The following GTF3C1 variants were observed in gnomAD, a reference collection of about 807,000 sequenced individuals.
GTF3C1 encodes the protein general transcription factor 3C polypeptide 1.
A neutral mutation model predicts 226.7 loss-of-function variants in GTF3C1; 57 were observed. That is an observed-to-expected ratio of 0.25 (90% CI 0.20 to 0.31). GTF3C1 has a LOEUF of 0.31. GTF3C1 is among the 10% of genes least tolerant of loss of function. The pLI is 1.00. For synonymous variants in GTF3C1, 1,090 were observed against 1,084.8 expected (o/e 1.00, Z -0.09); for missense variants, 2,217 against 2,776.1 (o/e 0.80, Z 4.53).
At chr16:27,505,447 G>C (rs1319381699) in intron 10 of GTF3C1, among the ~76,000 whole-genome samples, 1 of 152,142 alleles carries the variant, frequency 6.6e-6, no homozygotes, top group African/African-American at 2.4e-5. Flanking sequence ...CTCCCTATTG[G>C]ATGCCAGTAG....
Position 27,469,540 on chromosome 16 carries a change from C to G in GTF3C1, c.4825G>C (p.Asp1609His). 1 of 1,610,582 alleles carries G rather than the reference C, an allele frequency of 6.2e-7. No individual in the cohort carries two copies. The highest frequency in any genetic ancestry group is 8.5e-7 in the Non-Finnish European group (1 of 1,177,082). The change falls in exon 32 of 37, where the codon GAC (aspartate) becomes CAC (histidine). Residue 1609 changes from aspartate (D) to histidine (H), a missense_variant. By Grantham distance (81) the Asp-to-His change is moderately conservative. Around this residue, in one of 12 missense-constraint regions of GTF3C1, gnomAD observed 546 missense variants for 663.0 expected, o/e 0.82. Coordinates refer to ENST00000356183, the MANE Select transcript of GTF3C1 (RefSeq NM_001520.4). The surrounding 1 kb of genome is among the most constrained non-coding windows in gnomAD (Gnocchi z 4.5). Reference sequence around the variant, plus strand: ...TCCTCGTCATCCTCCAGGCTGCCGTCCTTCCCCAAGCTAGAAGGGAATTGT... The same window carrying G: ...TCCTCGTCATCCTCCAGGCTGCCGTGCTTCCCCAAGCTAGAAGGGAATTGT... ...ENEVIKSLGK[D>H]GSLEDDEDEE...
chr16:27,529,593 C>T (rs2088884918), intron 5 of GTF3C1, among the ~76,000 whole-genome samples: 1 of 152,210 alleles, frequency 6.6e-6, no homozygotes, highest in Non-Finnish European at 1.5e-5. Flanking sequence ...TGACCAACAG[C>T]AGCCTCCAGT....
chr16:27,512,377 C>T (rs575060848), intron 6 of GTF3C1, among the ~76,000 whole-genome samples: 29 of 152,230 alleles, frequency 1.9e-4, no homozygotes, highest in African/African-American at 6.7e-4. Flanking sequence ...GCAGTGTAAA[C>T]GAGCTGTATA....
chr16:27,489,813 C>A, intron 19 of GTF3C1, 70 bp from the exon 20 acceptor site: 3 of 1,512,748 alleles, frequency 2.0e-6, no homozygotes, highest in Non-Finnish European at 2.7e-6. Context: ...CTACCTCTGG[C>A]TGGGTGGGGA....
At chr16:27,537,730 A>T in intron 4 of GTF3C1, 54 bp downstream of exon 4, 1 of 1,348,830 alleles carries the variant, frequency 7.4e-7, no homozygotes, top group Non-Finnish European at 1.0e-6. Flanking sequence ...TTTAAAGCAT[A>T]CTACACATGG....
At chr16:27,518,908 C>G in intron 6 of GTF3C1, among the ~76,000 whole-genome samples, 1 of 152,222 alleles carries the variant, frequency 6.6e-6, no homozygotes, top group East Asian at 1.9e-4. Context: ...TGAATGCATT[C>G]AAGGGCCCTA....
intron 5 of GTF3C1, among the ~76,000 whole-genome samples, chr16:27,530,449 C>T (rs541224544): frequency 3.9e-5 from 6 of 152,276 alleles, no homozygotes; most frequent in South Asian, 2.1e-4. Context: ...CCATCAACGA[C>T]GTGCACAATC....
Position 27,472,015 on chromosome 16 carries a change from T to C in GTF3C1, c.4354-95A>G, listed in dbSNP as rs142248104. On this transcript the variant is annotated intron_variant, in intron 29 of 36. Coordinates refer to ENST00000356183, the MANE Select transcript of GTF3C1 (RefSeq NM_001520.4). ...GGCAGAGGCTGCGGCTGATGCTTTA[T>C]AGAGGAAGTGACCGATCGTGGGAGG... 227 of 1,100,672 alleles carry C rather than the reference T, an allele frequency of 2.1e-4. No individual in the cohort carries two copies. In the African/African-American group the frequency reaches 2.2e-3, roughly 11 times the overall value. 68.2% of individuals were successfully genotyped at this position (1,100,672 alleles called of 1,614,324 possible).
intron 14 of GTF3C1, among the ~76,000 whole-genome samples, chr16:27,496,791 G>A (rs2088324943): frequency 6.6e-6 from 1 of 152,240 alleles, no homozygotes; most frequent in African/African-American, 2.4e-5. Flanking sequence ...ATGGCTGTGA[G>A]AGGAGGTAGG....
chr16:27,505,764 A>C (rs1382342210), intron 10 of GTF3C1, 135 bp downstream of exon 10: 59 of 635,798 alleles, frequency 9.3e-5, no homozygotes, highest in Non-Finnish European at 1.6e-4. Context: ...ACTGCCTGGG[A>C]AGCACAGGCA....
At chr16:27,483,829 A>C (rs1008354221) in intron 25 of GTF3C1, among the ~76,000 whole-genome samples, 8 of 152,170 alleles carry the variant, frequency 5.3e-5, no homozygotes, top group African/African-American at 1.9e-4. Flanking sequence ...GGGAGCCACC[A>C]ATCAGAGCTC....
chr16:27,502,790 T>C, intron 11 of GTF3C1, 69 bp downstream of exon 11: 3 of 1,510,514 alleles, frequency 2.0e-6, no homozygotes, highest in Non-Finnish European at 1.8e-6. Flanking sequence ...CCATGGCTTG[T>C]GATGACCAAC....
At chr16:27,539,823 G>A (rs1292695620) in intron 2 of GTF3C1, among the ~76,000 whole-genome samples, 1 of 152,158 alleles carries the variant, frequency 6.6e-6, no homozygotes, top group African/African-American at 2.4e-5. Flanking sequence ...CCAGATGCTG[G>A]TGCCATGCTC....
chr16:27,500,549 G>A (rs1306972114), intron 12 of GTF3C1, among the ~76,000 whole-genome samples: 1 of 152,096 alleles, frequency 6.6e-6, no homozygotes, highest in Non-Finnish European at 1.5e-5. Context: ...CAGAAGAAAA[G>A]GTCAGGAAAT....
intron 6 of GTF3C1, among the ~76,000 whole-genome samples, chr16:27,525,959 T>C (rs566242048): frequency 6.6e-6 from 1 of 152,340 alleles, no homozygotes; most frequent in Non-Finnish European, 1.5e-5. Flanking sequence ...TTGTTTCTTA[T>C]GAGTTTTCCT....
Position 27,488,435 on chromosome 16 carries a change from A to T in GTF3C1, c.3512-20T>A. ...TGTTGCCTAGACATAATCACAGGAG[A>T]CAACAGTTTCAGGACGAGTGCTGCA... On this transcript the variant is annotated intron_variant, in intron 22 of 36. Transcript: ENST00000356183. The T allele has an allele frequency of 3.1e-6, 5 of 1,597,624 alleles. No homozygotes were observed. Among genetic ancestry groups the T allele is most frequent in the Non-Finnish European group, 4.3e-6 (5 of 1,165,268 alleles).
rs548045690 is a variant in GTF3C1 at position 27,517,798 on chromosome 16, C to T, written c.974-5897G>A. On this transcript the variant is annotated intron_variant, in intron 6 of 36. Coordinates refer to ENST00000356183, the MANE Select transcript of GTF3C1 (RefSeq NM_001520.4). The stretch of plus-strand genomic sequence containing the variant: ...TTACTTACTCATCACGTGGCTTCTG[C>T]AAGTTATTATTGCCATTTTAAGAAA... Among the ~76,000 whole-genome samples, 27 of 152,288 alleles carry T rather than the reference C, an allele frequency of 1.8e-4. No homozygotes were observed. The South Asian group carries it at 5.0e-3, about 28-fold the overall frequency.
intron 2 of GTF3C1, among the ~76,000 whole-genome samples, chr16:27,544,458 C>T (rs551968826): frequency 2.8e-4 from 42 of 150,738 alleles, no homozygotes; most frequent in African/African-American, 1.0e-3. Flanking sequence ...GTAGAGGGAG[C>T]TGGGCTGGGG....
intron 12 of GTF3C1, 98 bp downstream of exon 12, chr16:27,501,093 T>C: frequency 1.0e-6 from 1 of 985,332 alleles, no homozygotes; most frequent in Non-Finnish European, 1.5e-6. Flanking sequence ...TCACTGGTAA[T>C]AAAGCAACTA....
Sources: gnomAD v4.1 joint callset for allele counts (sites outside exome capture counted in the v4.1 genomes callset) on GRCh38, gnomAD v4.1.1 for gene constraint, gnomAD v4.1.1 regional missense constraint, Gnocchi (gnomAD v3.1) non-coding constraint, MANE v1.5 for transcripts, NCBI Gene and HGNC (gene_info 2026-07-23, HGNC 2026-07-21) for gene names.